SPTA1: variants seen among roughly 807,000 people sequenced by gnomAD.
SPTA1 encodes spectrin alpha, erythrocytic 1.
In SPTA1, 177 loss-of-function variants were observed where a neutral mutation model predicts 324.7. That is an observed-to-expected ratio of 0.55 (90% confidence interval 0.48 to 0.62). SPTA1 has a LOEUF of 0.62. Ranked by LOEUF, SPTA1 falls within the 20% of genes least tolerant of loss-of-function variation. The pLI is 0.00. For missense variants in SPTA1, 3,162 were observed against 2,883.6 expected, an observed-to-expected ratio of 1.10 and a Z score of -2.21; for synonymous variants, 1,195 against 1,041.3, an observed-to-expected ratio of 1.15 and a Z score of -2.84.
rs572287501 is a variant in SPTA1, at chr1:158,637,242, G to A, written c.5190-481C>T. Among the ~76,000 whole-genome samples the A allele has an allele frequency of 1.4e-4, 21 of 152,316 alleles. 1 individual carries two copies. In the South Asian group the frequency reaches 3.9e-3, roughly 29 times the overall value. On this transcript the variant is annotated intron_variant, in intron 36 of 51. Transcript: ENST00000643759. ...GTGCAAAAGGTTTGAGCATCACCAC[G>A]AAGTACAGTCGAAGACTACATGGAC...
rs1223983328 is a variant in SPTA1, at chr1:158,634,785, C to T, written c.5433-110G>A. 3 of 1,326,296 alleles carry T rather than the reference C, an allele frequency of 2.3e-6. No individual in the cohort carries two copies. The African/African-American group carries it at 4.3e-5, about 19-fold the overall frequency. 82.2% of individuals were successfully genotyped at this position (1,326,296 alleles called of 1,614,324 possible). ...GGCAGACCAGCTTATTCTCACAAGG[C>T]AGCCACAGTTGAAGTGGGCCTCAAC... is the stretch of plus-strand genomic sequence containing the variant. On this transcript the variant is annotated intron_variant, in intron 38 of 51. Coordinates refer to ENST00000643759, the MANE Select transcript of SPTA1 (RefSeq NM_003126.4).
At chr1:158,621,156 G>A (rs1406665492) in intron 43 of SPTA1, among the ~76,000 whole-genome samples, 1 of 152,092 alleles carries the variant, frequency 6.6e-6, no homozygotes, top group Non-Finnish European at 1.5e-5. Context: ...GAATAGCTCT[G>A]AATTTTCTGT....
chr1:158,665,356 C>T (rs767299208), intron 16 of SPTA1, among the ~76,000 whole-genome samples: 1 of 152,002 alleles, frequency 6.6e-6, no homozygotes, highest in Non-Finnish European at 1.5e-5. Context: ...GACTTTTTTC[C>T]TGTTTTCTGT....
chr1:158,645,801 T>G (rs981206040), intron 27 of SPTA1, among the ~76,000 whole-genome samples: 4 of 152,246 alleles, frequency 2.6e-5, no homozygotes, highest in African/African-American at 9.6e-5. Context: ...TCTTCACTTT[T>G]ATTATCTTTT....
At chr1:158,631,939 G>C (rs1454059133) in intron 39 of SPTA1, among the ~76,000 whole-genome samples, 2 of 152,076 alleles carry the variant, frequency 1.3e-5, no homozygotes, top group Non-Finnish European at 2.9e-5. Context: ...TTCTATTTCT[G>C]GGTATTTATC....
Position 158,651,488 on chromosome 1 carries a change from C to G in SPTA1, c.3376-20G>C, listed in dbSNP as rs754668682. The stretch of plus-strand genomic sequence containing the variant: ...CAAATCCTGAATGGGAAAATTCATC[C>G]AAAGCAGTGTAAATTCATCCAAAGC... On this transcript the variant is annotated intron_variant, in intron 23 of 51. Coordinates refer to ENST00000643759, the MANE Select transcript of SPTA1 (RefSeq NM_003126.4). The G allele has an allele frequency of 6.6e-7, 1 of 1,522,290 alleles. No homozygotes were observed. The highest frequency in any genetic ancestry group is 1.1e-5 in the South Asian group (1 of 89,008). 94.3% of individuals were successfully genotyped at this position (1,522,290 alleles called of 1,614,324 possible).
intron 33 of SPTA1, among the ~76,000 whole-genome samples, chr1:158,641,290 A>G (rs1334408897): frequency 6.6e-6 from 1 of 152,170 alleles, no homozygotes; most frequent in African/African-American, 2.4e-5. Context: ...AATGGCAACA[A>G]AAGCCAAAAT....
Position 158,661,380 on chromosome 1 carries a change from G to C in SPTA1, c.2494C>G (p.Leu832Val). 6.2e-7 allele frequency: 1 copy of C among 1,613,892 alleles called. No individual in the cohort carries two copies. The highest frequency in any genetic ancestry group is 1.1e-5 in the South Asian group (1 of 91,076). ...TCCAGGATGACTCTATGCCTATTCA[G>C]AAGCTTTTTGGAAGCAATCAGGTCC... is the stretch of plus-strand genomic sequence containing the variant. ...GKDLIASKKLLNRHRVILENI... is the reference protein window; with the variant it reads ...GKDLIASKKLVNRHRVILENI... The change falls in exon 18 of 52, where the codon CTG becomes GTG. Residue 832 changes from leucine to valine, a missense_variant. Physicochemically the swap from Leu to Val is conservative, Grantham distance 32 (BLOSUM62 1). Coordinates refer to ENST00000643759, the MANE Select transcript of SPTA1 (RefSeq NM_003126.4).
intron 44 of SPTA1, 42 bp from the exon 45 acceptor site, chr1:158,619,376 C>A: frequency 6.3e-7 from 1 of 1,587,292 alleles, no homozygotes; most frequent in Non-Finnish European, 8.7e-7. Context: ...ACATCGAAGG[C>A]CTTTCTTTGC....
At chr1:158,643,482 T>A (rs1651767955) in intron 30 of SPTA1, 57 bp from the exon 31 acceptor site, 5 of 1,481,542 alleles carry the variant, frequency 3.4e-6, no homozygotes, top group Non-Finnish European at 4.7e-6. Context: ...CTTGGTGCAA[T>A]CCCAGACTCC....
intron 17 of SPTA1, 123 bp downstream of exon 17, chr1:158,662,579 T>C: frequency 7.5e-7 from 1 of 1,335,756 alleles, no homozygotes; most frequent in Non-Finnish European, 1.0e-6. Flanking sequence ...CAAATTTTCA[T>C]GAGTGTGAGA....
chr1:158,647,844 C>T, intron 26 of SPTA1, 124 bp from the exon 27 acceptor site: 1 of 1,026,284 alleles, frequency 9.7e-7, no homozygotes. Context: ...AGTATGTCAT[C>T]ATACTTTACA....
At chr1:158,620,535 G>A in intron 43 of SPTA1, 69 bp from the exon 44 acceptor site, 1 of 1,588,450 alleles carries the variant, frequency 6.3e-7, no homozygotes, top group South Asian at 1.1e-5. Context: ...GAAGATTGAG[G>A]ATAAAAATAA....
rs746454108 is a variant in SPTA1, at chr1:158,636,046, C to A, written c.5311-12G>T. Reference sequence around the variant, plus strand: ...ATATCCAGCACATTCTGAAGAACAACCCCGATACATGTTCCATTACCCCAC... The same window carrying A: ...ATATCCAGCACATTCTGAAGAACAAACCCGATACATGTTCCATTACCCCAC... On this transcript the variant is annotated splice_polypyrimidine_tract_variant and intron_variant, in intron 37 of 51. Coordinates refer to ENST00000643759, the MANE Select transcript of SPTA1 (RefSeq NM_003126.4). The A allele has an allele frequency of 1.2e-6, 2 of 1,614,008 alleles. No homozygotes were observed. The highest frequency in any genetic ancestry group is 1.3e-5 in the African/African-American group (1 of 74,930).
intron 29 of SPTA1, among the ~76,000 whole-genome samples, 161 bp downstream of exon 29, chr1:158,645,027 C>T (rs1321270008): frequency 6.6e-6 from 1 of 152,040 alleles, no homozygotes; most frequent in Non-Finnish European, 1.5e-5. Flanking sequence ...TGACAATGAT[C>T]GGTATAGAAA....
intron 11 of SPTA1, 60 bp from the exon 12 acceptor site, chr1:158,671,513 G>T: frequency 7.3e-7 from 1 of 1,365,988 alleles, no homozygotes; most frequent in Non-Finnish European, 1.0e-6. Context: ...CATTCCTCTT[G>T]GCATATCTCT....
Position 158,621,456 on chromosome 1 carries a change from G to T in SPTA1, c.6121-990C>A, listed in dbSNP as rs190291937. Among the ~76,000 whole-genome samples the T allele has an allele frequency of 1.4e-3, 216 of 152,202 alleles. 2 individuals carry two copies. Among genetic ancestry groups the T allele is most frequent in the African/African-American group, 4.8e-3 (199 of 41,546 alleles). ...AGATCAATACAGAGAAAATTAACAT[G>T]ACCTCTACACAGAAAGGACACAGAA... On this transcript the variant is annotated intron_variant, in intron 43 of 51. Transcript: ENST00000643759.
chr1:158,678,784 G>A (rs1429624690), intron 5 of SPTA1, among the ~76,000 whole-genome samples: 2 of 152,020 alleles, frequency 1.3e-5, no homozygotes, highest in Admixed American at 1.3e-4. Flanking sequence ...ATTAGCACAG[G>A]TTGCCCAGCC....
intron 30 of SPTA1, 80 bp downstream of exon 30, chr1:158,644,173 A>G: frequency 1.3e-6 from 2 of 1,565,342 alleles, no homozygotes; most frequent in Non-Finnish European, 1.7e-6. Flanking sequence ...TTTATAAATT[A>G]TAAAACCAGA....
Sources: gnomAD v4.1 joint callset for allele counts (sites outside exome capture counted in the v4.1 genomes callset) on GRCh38, gnomAD v4.1.1 for gene constraint, MANE v1.5 for transcripts, NCBI Gene and HGNC (gene_info 2026-07-23, HGNC 2026-07-21) for gene names.